CRISPLD2: variants seen among roughly 807,000 people sequenced by gnomAD.
The protein encoded by CRISPLD2 is cysteine rich secretory protein LCCL domain containing 2.
In CRISPLD2, 47 loss-of-function variants were observed where a neutral mutation model predicts 71.1. The ratio of observed to expected loss-of-function variants is 0.66; its 90% confidence interval spans 0.52 to 0.84. The LOEUF (loss-of-function observed/expected upper bound fraction) is 0.84, where lower values mean the gene tolerates loss of function less well. CRISPLD2 is among the 40% of genes least tolerant of loss of function. CRISPLD2 has a pLI of 0.00. For missense variants in CRISPLD2, 830 were observed against 651.1 expected, an observed-to-expected ratio of 1.27 and a Z score of -2.99; for synonymous variants, 317 against 250.1, an observed-to-expected ratio of 1.27 and a Z score of -2.52.
intron 13 of CRISPLD2, among the ~76,000 whole-genome samples, chr16:84,881,663 G>A (rs9921825): frequency 0.021 from 3,164 of 152,106 alleles, 107 homozygotes; most frequent in African/African-American, 0.073. Context: ...CTGAATAGAG[G>A]CAAGGTCTCA....
In CRISPLD2 at chr16:84,873,970, T is replaced by C; in HGVS notation, c.1156+7T>C. The C allele has an allele frequency of 6.2e-7, 1 of 1,600,084 alleles. No individual in the cohort carries two copies. The highest frequency in any genetic ancestry group is 8.5e-7 in the Non-Finnish European group (1 of 1,175,246). On this transcript the variant is annotated splice_region_variant and intron_variant, in intron 11 of 14. Coordinates refer to ENST00000262424, the MANE Select transcript of CRISPLD2 (RefSeq NM_031476.4). Reference sequence around the variant, plus strand: ...ATGGTGTCAAAAGTGAAAGGTAAGCTAGCCAGTCTCTTTTGCGACCATAAT... The same window carrying C: ...ATGGTGTCAAAAGTGAAAGGTAAGCCAGCCAGTCTCTTTTGCGACCATAAT...
intron 1 of CRISPLD2, among the ~76,000 whole-genome samples, chr16:84,825,845 T>G (rs912798611): frequency 1.1e-4 from 16 of 151,898 alleles, no homozygotes; most frequent in Admixed American, 1.0e-3. Flanking sequence ...GGCACACCTG[T>G]AATTCCAGCT....
At position 84,864,899 on chromosome 16, in the gene CRISPLD2, C is replaced by G. The variant is rs572725669; in HGVS notation, c.710-1998C>G. On this transcript the variant is annotated intron_variant, in intron 6 of 14. Coordinates refer to ENST00000262424, the MANE Select transcript of CRISPLD2 (RefSeq NM_031476.4). ...CTCAGAATGGCTTCCCACCTTCTGA[C>G]TTAAACCCGTCCCTTCCCCTTGTGG... Among the ~76,000 whole-genome samples the G allele has an allele frequency of 3.9e-5, 6 of 152,312 alleles. No homozygotes were observed. The South Asian group carries it at 1.0e-3, about 26-fold the overall frequency.
At chr16:84,904,260 T>C (rs1452950490) in intron 14 of CRISPLD2, among the ~76,000 whole-genome samples, 1 of 152,138 alleles carries the variant, frequency 6.6e-6, no homozygotes, top group African/African-American at 2.4e-5. Flanking sequence ...AAGATGGTGG[T>C]GCTGACATCA....
intron 13 of CRISPLD2, among the ~76,000 whole-genome samples, chr16:84,882,775 C>T (rs769768088): frequency 2.0e-5 from 3 of 152,316 alleles, no homozygotes; most frequent in South Asian, 2.1e-4. Flanking sequence ...CTCTAGGTAT[C>T]GTTATCCTTA....
chr16:84,870,413 G>A (rs962425572), intron 8 of CRISPLD2, among the ~76,000 whole-genome samples: 8 of 151,790 alleles, frequency 5.3e-5, no homozygotes, highest in Admixed American at 1.3e-4. Flanking sequence ...TCTGCTTCCC[G>A]GGTTTAAGTG....
chr16:84,905,961 C>T (rs1458959427), intron 14 of CRISPLD2, among the ~76,000 whole-genome samples: 2 of 151,944 alleles, frequency 1.3e-5, no homozygotes, highest in Non-Finnish European at 2.9e-5. Context: ...CCACCCGCCT[C>T]ACTCCCAAAG....
chr16:84,845,079 C>T (rs963463236), intron 2 of CRISPLD2, among the ~76,000 whole-genome samples: 19 of 152,230 alleles, frequency 1.2e-4, no homozygotes, highest in African/African-American at 4.6e-4. Context: ...TGCTGTGGTC[C>T]ACACATAACT....
chr16:84,866,937 T>C lies in CRISPLD2; in HGVS notation c.750T>C (p.Asn250=). ...YTPKPETDEM[N]EVETAPIPEE... ...CAAAACCTGAAACGGACGAGATGAA[T>C]GAGGTGGAAACGGCTCCCATTCCTG... The change falls in exon 7 of 15, where the codon AAT becomes AAC. Residue 250 remains asparagine (N), a synonymous_variant. Coordinates refer to ENST00000262424, the MANE Select transcript of CRISPLD2 (RefSeq NM_031476.4). 1 of 1,613,826 alleles carries C rather than the reference T, an allele frequency of 6.2e-7. No individual in the cohort carries two copies. Among genetic ancestry groups the C allele is most frequent in the East Asian group, 2.2e-5 (1 of 44,858 alleles).
chr16:84,850,761 G>C (rs929959933), intron 5 of CRISPLD2, 78 bp downstream of exon 5: 3 of 1,120,254 alleles, frequency 2.7e-6, no homozygotes, highest in East Asian at 2.3e-5. Context: ...GTGAAAACTG[G>C]CTTGAGCAGC....
rs1345690259 is a variant in CRISPLD2 at position 84,908,291 on chromosome 16, G to A, written c.*1649G>A. The A allele has an allele frequency of 6.6e-6, 1 of 152,242 alleles. No individual in the cohort carries two copies. The highest frequency in any genetic ancestry group is 1.5e-5 in the Non-Finnish European group (1 of 68,042). The allele number at this position is 152,242 out of a possible 1,614,324, so 9.4% of individuals were successfully genotyped here. A position where few individuals can be genotyped will look rare whatever the true frequency, so the allele number is the denominator to read the frequency against. The stretch of plus-strand genomic sequence containing the variant: ...CACAGGACTACGTGCTTTGTGCATT[G>A]TAGTCTAGTCGTAATTCATAGGTAC... On this transcript the variant is annotated 3_prime_UTR_variant, in exon 15 of 15. Transcript: ENST00000262424.
rs543558368 is a variant in CRISPLD2, at chr16:84,900,185, C to T, written c.1440-6403C>T. 2.1e-4 allele frequency among the ~76,000 whole-genome samples: 32 copies of T among 152,216 alleles called. No individual in the cohort carries two copies. The South Asian group carries it at 6.0e-3, about 29-fold the overall frequency. On this transcript the variant is annotated intron_variant, in intron 14 of 14. Transcript: ENST00000262424. ...GCAGCTCCATCTCTCCGAGTGCTCC[C>T]ATCTGATACACGTTTCAAAAGTTCA...
At position 84,842,803 on chromosome 16, in the gene CRISPLD2, G is replaced by A. The variant is rs914860678; in HGVS notation, c.241-2983G>A. On this transcript the variant is annotated intron_variant, in intron 2 of 14. Transcript: ENST00000262424. ...GAACGTTGAGACCCATTGAATCCGC[G>A]CATCCCTGGTGGCTTGGCCTTGGTC... Among the ~76,000 whole-genome samples the A allele has an allele frequency of 3.9e-5, 6 of 152,176 alleles. No individual in the cohort carries two copies. The East Asian group carries it at 1.2e-3, about 29-fold the overall frequency.
chr16:84,863,973 A>AAG (rs1175950721), intron 6 of CRISPLD2, among the ~76,000 whole-genome samples: 6 of 146,944 alleles, frequency 4.1e-5, no homozygotes, highest in African/African-American at 1.5e-4. Context: ...AAAAAAAAAA[A>AAG]AAGAAAGAAA....
At chr16:84,859,733 A>G (rs1038321419) in intron 6 of CRISPLD2, among the ~76,000 whole-genome samples, 1 of 152,262 alleles carries the variant, frequency 6.6e-6, no homozygotes, top group African/African-American at 2.4e-5. Flanking sequence ...ACAATTAATT[A>G]GCCAATGACA....
At position 84,838,542 on chromosome 16, in the gene CRISPLD2, T is replaced by C; in HGVS notation, c.47T>C (p.Leu16Pro). The change falls in exon 2 of 15, where the codon CTG becomes CCG. Residue 16 changes from leucine (L) to proline (P), a missense_variant. Leu to Pro is a moderately conservative substitution (Grantham distance 98, BLOSUM62 -3). Transcript: ENST00000262424. The part of the protein sequence containing the change: ...GGVIPLGLLF[L>P]VCGSQGYLLP... ...GTCATCCCCTTGGGGCTGCTGTTCC[T>C]GGTCTGCGGATCCCAAGGCTACCTC... The C allele has an allele frequency of 6.2e-7, 1 of 1,614,212 alleles. No homozygotes were observed. Among genetic ancestry groups the C allele is most frequent in the Non-Finnish European group, 8.5e-7 (1 of 1,180,032 alleles).
rs2646108 is a variant in CRISPLD2, at chr16:84,907,458, G to A, written c.*816G>A. The A allele has an allele frequency of 0.21, 31,744 of 152,200 alleles. 3,476 individuals carry two copies. The highest frequency in any genetic ancestry group is 0.25 in the Admixed American group (3,889 of 15,286). The allele number at this position is 152,200 out of a possible 1,614,324, so 9.4% of individuals were successfully genotyped here. On this transcript the variant is annotated 3_prime_UTR_variant, in exon 15 of 15. Transcript: ENST00000262424. ...GGGACCCTTTCTTTACCCCCTACCC[G>A]TTGTGGCTCCCACCCTGCCTCGGAC...
chr16:84,843,236 G>A (rs916083796), intron 2 of CRISPLD2, among the ~76,000 whole-genome samples: 121 of 152,308 alleles, frequency 7.9e-4, no homozygotes, highest in Admixed American at 1.3e-3. Context: ...TGGGGTGGCA[G>A]GGGCCCTGCC....
chr16:84,891,090 C>G (rs897301644), intron 14 of CRISPLD2, among the ~76,000 whole-genome samples: 1 of 152,190 alleles, frequency 6.6e-6, no homozygotes, highest in South Asian at 2.1e-4. Flanking sequence ...CTTTAAAGAT[C>G]TGCAAATACA....
Sources: allele counts gnomAD v4.1 joint callset (sites outside exome capture counted in the v4.1 genomes callset), GRCh38; gene constraint gnomAD v4.1.1; transcripts MANE v1.5; gene names NCBI Gene and HGNC (gene_info 2026-07-23, HGNC 2026-07-21).